IL1RAPL2: variants seen among roughly 807,000 people sequenced by gnomAD.
The protein encoded by IL1RAPL2 is X-linked interleukin-1 receptor accessory protein-like 2.
A neutral mutation model predicts 44.1 loss-of-function variants in IL1RAPL2; 3 were observed. That is an observed-to-expected ratio of 0.07 (90% CI 0.03 to 0.18). The LOEUF (loss-of-function observed/expected upper bound fraction) is 0.18. Among genes scored for constraint, IL1RAPL2 ranks in the 10% least tolerant of loss-of-function variants. The pLI is 1.00. For synonymous variants in IL1RAPL2, 181 were observed against 178.8 expected, an observed-to-expected ratio of 1.01 and a Z score of -0.10; for missense variants, 391 against 496.4, an observed-to-expected ratio of 0.79 and a Z score of 2.02.
intron 1 of IL1RAPL2, among the ~76,000 whole-genome samples, chrX:104,626,824 C>CT (rs199567660): frequency 0.27 from 26,300 of 98,704 alleles, 3,156 homozygotes; most frequent in East Asian, 0.5. Context: ...TTGTAGATAA[C>CT]TTTTTTTTTT....
At chrX:104,867,132 G>A (rs1242762477) in intron 2 of IL1RAPL2, among the ~76,000 whole-genome samples, 4 of 107,477 alleles carry the variant, frequency 3.7e-5, no homozygotes, top group African/African-American at 1.4e-4. Context: ...AGCTACTCGG[G>A]AGGCTGAGGC....
intron 6 of IL1RAPL2, among the ~76,000 whole-genome samples, chrX:105,693,131 T>A (rs1469562527): frequency 9.0e-6 from 1 of 111,619 alleles, no homozygotes; most frequent in African/African-American, 3.3e-5. Flanking sequence ...GCAAACAGAA[T>A]AATGGCTCCG....
intron 2 of IL1RAPL2, among the ~76,000 whole-genome samples, chrX:104,824,333 T>C (rs1425947907): frequency 1.8e-5 from 2 of 112,151 alleles, no homozygotes; most frequent in East Asian, 5.6e-4. Flanking sequence ...ATCAGGGATA[T>C]TGGCCTGAAA....
chrX:104,583,985 G>A (rs1242872808), intron 1 of IL1RAPL2, among the ~76,000 whole-genome samples: 1 of 111,477 alleles, frequency 9.0e-6, no homozygotes, highest in Non-Finnish European at 1.9e-5. Flanking sequence ...GTATGCTAGA[G>A]CTGGAATGAA....
At chrX:104,910,219 C>T (rs764359038) in intron 2 of IL1RAPL2, among the ~76,000 whole-genome samples, 13 of 112,010 alleles carry the variant, frequency 1.2e-4, no homozygotes, top group South Asian at 3.8e-4. Flanking sequence ...GGCTCGCTCA[C>T]GGTGCGCGCA....
chrX:105,712,682 C>G (rs979130334), intron 6 of IL1RAPL2, among the ~76,000 whole-genome samples: 2 of 111,446 alleles, frequency 1.8e-5, no homozygotes, highest in Middle Eastern at 4.6e-3. Context: ...CACCTCCAAC[C>G]TGGTCCCTCC....
At chrX:105,616,353 G>A (rs1229075227) in intron 6 of IL1RAPL2, among the ~76,000 whole-genome samples, 2 of 112,023 alleles carry the variant, frequency 1.8e-5, no homozygotes, top group African/African-American at 6.5e-5. Flanking sequence ...TTTCTAAATA[G>A]AAAGTAAAAA....
At chrX:105,763,325 A>G (rs1254947251) in intron 10 of IL1RAPL2, among the ~76,000 whole-genome samples, 1 of 111,740 alleles carries the variant, frequency 8.9e-6, no homozygotes, top group African/African-American at 3.3e-5. Flanking sequence ...CAGACATACA[A>G]CCCCAGGGTG....
At chrX:105,762,016 C>T (rs750666312) in intron 10 of IL1RAPL2, among the ~76,000 whole-genome samples, 15 of 111,722 alleles carry the variant, frequency 1.3e-4, no homozygotes, top group Non-Finnish European at 2.8e-4. Context: ...CCTACATCTG[C>T]AGTAGACTCA....
At chrX:105,392,705 T>C (rs2035535254) in intron 5 of IL1RAPL2, among the ~76,000 whole-genome samples, 1 of 111,846 alleles carries the variant, frequency 8.9e-6, no homozygotes, top group Non-Finnish European at 1.9e-5. Context: ...AAATCAGCCA[T>C]GGCAATGTGC....
At chrX:104,751,210 T>C (rs1022812645) in intron 2 of IL1RAPL2, among the ~76,000 whole-genome samples, 10 of 111,733 alleles carry the variant, frequency 8.9e-5, no homozygotes, top group African/African-American at 3.2e-4. Context: ...ATGTATATCA[T>C]AACTCAGAGA....
chrX:104,600,610 T>C (rs756723644), intron 1 of IL1RAPL2, among the ~76,000 whole-genome samples: 1 of 110,253 alleles, frequency 9.1e-6, no homozygotes, highest in Non-Finnish European at 1.9e-5. Context: ...GGGTAAAGAA[T>C]GATCCTGTCA....
chrX:105,564,815 G>T (rs773364746), intron 6 of IL1RAPL2, among the ~76,000 whole-genome samples: 9 of 111,837 alleles, frequency 8.0e-5, no homozygotes, highest in Non-Finnish European at 1.7e-4. Context: ...CTCACCCCAT[G>T]CCTGCTCTGC....
chrX:105,132,136 A>G (rs968411086), intron 2 of IL1RAPL2, among the ~76,000 whole-genome samples: 1 of 108,464 alleles, frequency 9.2e-6, no homozygotes, highest in Admixed American at 9.9e-5. Context: ...GTCTTGGTTC[A>G]TTGTCAGATC....
intron 5 of IL1RAPL2, among the ~76,000 whole-genome samples, chrX:105,387,323 C>T (rs1056145671): frequency 6.5e-5 from 7 of 108,114 alleles, no homozygotes; most frequent in Non-Finnish European, 9.6e-5. Flanking sequence ...CAACCTCCAC[C>T]TCCCTGGTTC....
chrX:105,323,872 TCA>T (rs112033130), intron 5 of IL1RAPL2, among the ~76,000 whole-genome samples: 1,901 of 102,125 alleles, frequency 0.019, 44 homozygotes, highest in African/African-American at 0.064. Flanking sequence ...TGAGACTCTG[TCA>T]CACACACACA....
intron 1 of IL1RAPL2, among the ~76,000 whole-genome samples, chrX:104,605,993 A>G (rs1005190825): frequency 1.8e-5 from 2 of 111,841 alleles, no homozygotes; most frequent in African/African-American, 6.5e-5. Context: ...TCCTGATACC[A>G]AAACCTGGCA....
chrX:104,735,740 C>G (rs762277228), intron 2 of IL1RAPL2, among the ~76,000 whole-genome samples: 1 of 111,110 alleles, frequency 9.0e-6, no homozygotes, highest in East Asian at 2.9e-4. Context: ...GTTTGCATAA[C>G]TGGTAACTGT....
At chrX:104,626,332 T>G (rs866456263) in intron 1 of IL1RAPL2, among the ~76,000 whole-genome samples, 13 of 83,678 alleles carry the variant, frequency 1.6e-4, no homozygotes, top group Admixed American at 6.5e-4. Flanking sequence ...GTGTGTGTGT[T>G]TGTGCGTGTC....
Sources: gnomAD v4.1 joint callset for allele counts (sites outside exome capture counted in the v4.1 genomes callset) on GRCh38, gnomAD v4.1.1 for gene constraint, MANE v1.5 for transcripts, NCBI Gene and HGNC (gene_info 2026-07-23, HGNC 2026-07-21) for gene names.